The following DYNC1I2 variants were observed in gnomAD, a reference collection of about 807,000 sequenced individuals.
DYNC1I2 encodes the protein cytoplasmic dynein 1 intermediate chain 2.
A neutral mutation model predicts 88.6 loss-of-function variants in DYNC1I2; 53 were observed. That is an observed-to-expected ratio of 0.60 (90% CI 0.48 to 0.75). The LOEUF is 0.75. Among genes scored for constraint, DYNC1I2 ranks in the 30% least tolerant of loss-of-function variants. The probability of loss-of-function intolerance (pLI) is 0.00; values close to 1 mark genes in which losing one functional copy is unlikely to be tolerated. For synonymous variants in DYNC1I2, 198 were observed against 254.6 expected (o/e 0.78, Z 2.12); for missense variants, 458 against 766.6 (o/e 0.60, Z 4.75).
At chr2:171,696,014 A>C (rs989480636) in intron 3 of DYNC1I2, among the ~76,000 whole-genome samples, 2 of 152,180 alleles carry the variant, frequency 1.3e-5, no homozygotes, top group Non-Finnish European at 2.9e-5. Context: ...TGTGAACTGC[A>C]TATTCATGTC....
rs112159844 is a variant in DYNC1I2 at position 171,746,915 on chromosome 2, C to T, written c.1804-861C>T. 9.9e-3 allele frequency among the ~76,000 whole-genome samples: 1,500 copies of T among 151,930 alleles called. 22 individuals are homozygous for T. Among genetic ancestry groups the T allele is most frequent in the African/African-American group, 0.034 (1,410 of 41,424 alleles). On this transcript the variant is annotated intron_variant, in intron 17 of 17. Transcript: ENST00000397119. Reference sequence around the variant, plus strand: ...TATCAAAAATATTTGTTATTGGGGCCGGGCGCAGTGGCTCACACCTGTAAT... The same window carrying T: ...TATCAAAAATATTTGTTATTGGGGCTGGGCGCAGTGGCTCACACCTGTAAT...
intron 17 of DYNC1I2, among the ~76,000 whole-genome samples, chr2:171,746,716 A>C (rs1436298879): frequency 2.6e-5 from 4 of 152,154 alleles, no homozygotes; most frequent in Non-Finnish European, 4.4e-5. Flanking sequence ...TTGCTACTAC[A>C]ACTGCGTAAC....
At chr2:171,691,057 A>G (rs991615520) in intron 2 of DYNC1I2, among the ~76,000 whole-genome samples, 2 of 152,210 alleles carry the variant, frequency 1.3e-5, no homozygotes, top group African/African-American at 4.8e-5. Flanking sequence ...TGAATTGCTA[A>G]TTTGTCAGAA....
intron 15 of DYNC1I2, among the ~76,000 whole-genome samples, chr2:171,732,871 T>C (rs1417825144): frequency 6.6e-6 from 1 of 152,222 alleles, no homozygotes. Flanking sequence ...TTTTTAAAAC[T>C]TTTATTTTAC....
At chr2:171,715,094 T>A (rs1298972693) in intron 6 of DYNC1I2, among the ~76,000 whole-genome samples, 1 of 152,226 alleles carries the variant, frequency 6.6e-6, no homozygotes, top group Non-Finnish European at 1.5e-5. Context: ...ATGAAATTAC[T>A]TGCCTTTTTA....
At chr2:171,718,635 A>G (rs1333961755) in intron 7 of DYNC1I2, among the ~76,000 whole-genome samples, 2 of 151,240 alleles carry the variant, frequency 1.3e-5, no homozygotes, top group Non-Finnish European at 2.9e-5. Flanking sequence ...GGATTTCACC[A>G]TGTTAGCCAG....
chr2:171,718,608 T>C (rs1446665813), intron 7 of DYNC1I2, among the ~76,000 whole-genome samples: 1 of 152,086 alleles, frequency 6.6e-6, no homozygotes, highest in Non-Finnish European at 1.5e-5. Flanking sequence ...TAATTTTTTG[T>C]ATTTTTAGTA....
chr2:171,720,832 CAA>C, intron 7 of DYNC1I2, among the ~76,000 whole-genome samples: 1 of 152,056 alleles, frequency 6.6e-6, no homozygotes, highest in South Asian at 2.1e-4. Context: ...AGAATATAAA[CAA>C]AATTGAAAAT....
At chr2:171,737,671 G>A (rs773299909) in intron 15 of DYNC1I2, among the ~76,000 whole-genome samples, 1 of 152,046 alleles carries the variant, frequency 6.6e-6, no homozygotes, top group Non-Finnish European at 1.5e-5. Flanking sequence ...TGCCTGCCTC[G>A]GGCTCCCAAA....
chr2:171,688,343 G>A (rs917049233), intron 1 of DYNC1I2: 1 of 152,178 alleles, frequency 6.6e-6, no homozygotes, highest in Non-Finnish European at 1.5e-5. Flanking sequence ...GGTCATGGAG[G>A]AAGGCTCTGG....
intron 14 of DYNC1I2, among the ~76,000 whole-genome samples, chr2:171,729,169 A>AT (rs1474068047): frequency 6.6e-6 from 1 of 152,042 alleles, no homozygotes; most frequent in African/African-American, 2.4e-5. Flanking sequence ...TATAAATGAG[A>AT]TTTTCAGCTG....
chr2:171,739,159 G>A (rs1441476127), intron 15 of DYNC1I2, among the ~76,000 whole-genome samples: 2 of 151,344 alleles, frequency 1.3e-5, no homozygotes, highest in Admixed American at 6.6e-5. Flanking sequence ...ATTTGGTGGT[G>A]TTATCAGGGA....
intron 3 of DYNC1I2, among the ~76,000 whole-genome samples, chr2:171,697,807 T>C (rs1685895707): frequency 6.6e-6 from 1 of 152,010 alleles, no homozygotes; most frequent in South Asian, 2.1e-4. Flanking sequence ...CTGGCCATGA[T>C]CGCACTACTG....
chr2:171,717,632 G>A (rs1028460555), intron 7 of DYNC1I2, among the ~76,000 whole-genome samples: 10 of 152,060 alleles, frequency 6.6e-5, no homozygotes, highest in Non-Finnish European at 1.5e-4. Context: ...AATACTGCAG[G>A]ATTCTGTAAT....
chr2:171,722,292 A>T (rs1687951435), intron 7 of DYNC1I2, among the ~76,000 whole-genome samples: 9 of 152,142 alleles, frequency 5.9e-5, no homozygotes, highest in Admixed American at 5.2e-4. Context: ...TCAAAGTAAA[A>T]ATTCAGTGGT....
intron 7 of DYNC1I2, among the ~76,000 whole-genome samples, chr2:171,719,472 C>T (rs905757959): frequency 6.6e-6 from 1 of 152,164 alleles, no homozygotes; most frequent in African/African-American, 2.4e-5. Context: ...TCAAACTTTG[C>T]CTGGTTGGTT....
At chr2:171,718,880 CAAAG>C (rs113752064) in intron 7 of DYNC1I2, among the ~76,000 whole-genome samples, 1,590 of 152,264 alleles carry the variant, frequency 0.01, 18 homozygotes, top group African/African-American at 0.034. Context: ...TGTTTACACA[CAAAG>C]AAGCTGAAAC....
rs145508264 is a variant in DYNC1I2, at chr2:171,729,973, T to C, written c.1536+120T>C. On this transcript the variant is annotated intron_variant, in intron 15 of 17. Coordinates refer to ENST00000397119, the MANE Select transcript of DYNC1I2 (RefSeq NM_001378.3). ...TAATTGTTTGCTAATAGATGAAGCC[T>C]GCTAGGAAGTTACACAGAGCATGAG... 4.0e-3 allele frequency: 4,698 copies of C among 1,184,708 alleles called. 12 individuals are homozygous for C. Among genetic ancestry groups the C allele is most frequent in the Non-Finnish European group, 4.7e-3 (3,923 of 838,144 alleles). 73.4% of individuals were successfully genotyped at this position (1,184,708 alleles called of 1,614,324 possible).
At chr2:171,731,217 C>A (rs1433760502) in intron 15 of DYNC1I2, among the ~76,000 whole-genome samples, 1 of 152,090 alleles carries the variant, frequency 6.6e-6, no homozygotes, top group Non-Finnish European at 1.5e-5. Context: ...GAAATTTATA[C>A]AGTGGGAAAA....
Sources: gnomAD v4.1 joint callset for allele counts (sites outside exome capture counted in the v4.1 genomes callset) on GRCh38, gnomAD v4.1.1 for gene constraint, MANE v1.5 for transcripts, NCBI Gene and HGNC (gene_info 2026-07-23, HGNC 2026-07-21) for gene names.